SELENOF: variants seen among roughly 807,000 people sequenced by gnomAD.
SELENOF encodes 15 kDa selenoprotein.
A neutral mutation model predicts 20.5 loss-of-function variants in SELENOF; 16 were observed. The ratio of observed to expected loss-of-function variants is 0.78; its 90% CI spans 0.53 to 1.19. The LOEUF (loss-of-function observed/expected upper bound fraction) is 1.19, where lower values mean the gene tolerates loss of function less well. SELENOF is among the 50% of genes most tolerant of loss of function. SELENOF has a pLI of 0.00. For missense variants in SELENOF, 215 were observed against 194.2 expected, an observed-to-expected ratio of 1.11 and a Z score of -0.64; for synonymous variants, 78 against 74.5, an observed-to-expected ratio of 1.05 and a Z score of -0.24.
intron 2 of SELENOF, among the ~76,000 whole-genome samples, chr1:86,885,625 C>A (rs1462246382): frequency 1.3e-5 from 2 of 152,144 alleles, no homozygotes; most frequent in African/African-American, 4.8e-5. Flanking sequence ...GTAACAATAA[C>A]CACGGCTCTA....
At chr1:86,873,323 C>T (rs1658833226) in intron 3 of SELENOF, among the ~76,000 whole-genome samples, 2 of 150,188 alleles carry the variant, frequency 1.3e-5, no homozygotes, top group African/African-American at 5.0e-5. Context: ...ATTGTTTACT[C>T]ACTCTTGATT....
intron 2 of SELENOF, among the ~76,000 whole-genome samples, chr1:86,882,378 A>G (rs1659099825): frequency 2.0e-5 from 3 of 151,976 alleles, no homozygotes; most frequent in South Asian, 4.1e-4. Context: ...CTTGAAAAAT[A>G]TAAGGCCATA....
chr1:86,882,519 G>T (rs1044300877), intron 2 of SELENOF, among the ~76,000 whole-genome samples: 1 of 150,566 alleles, frequency 6.6e-6, no homozygotes, highest in Non-Finnish European at 1.5e-5. Flanking sequence ...AAGAGATGAG[G>T]ATGTGGAGAA....
intron 2 of SELENOF, among the ~76,000 whole-genome samples, chr1:86,892,166 G>A (rs1054157905): frequency 5.1e-5 from 7 of 137,920 alleles, no homozygotes; most frequent in African/African-American, 9.3e-5. Context: ...TCTCCTGACC[G>A]CATGATCCAC....
chr1:86,863,730 A>G (rs1258308515), intron 4 of SELENOF, 125 bp from the exon 5 acceptor site: 4 of 759,662 alleles, frequency 5.3e-6, no homozygotes, highest in Non-Finnish European at 8.0e-6. Context: ...AGACATGACA[A>G]TAAACAAGTC....
chr1:86,869,639 C>T (rs1658702990), intron 3 of SELENOF, among the ~76,000 whole-genome samples: 1 of 152,014 alleles, frequency 6.6e-6, no homozygotes, highest in South Asian at 2.1e-4. Flanking sequence ...CTATACTTTA[C>T]CAATTTTCAA....
intron 3 of SELENOF, among the ~76,000 whole-genome samples, chr1:86,871,202 A>G (rs760381167): frequency 2.0e-5 from 3 of 152,216 alleles, no homozygotes; most frequent in Non-Finnish European, 4.4e-5. Flanking sequence ...TGAGTTCTTT[A>G]ATGTCAATAC....
intron 4 of SELENOF, among the ~76,000 whole-genome samples, chr1:86,866,400 T>A (rs1349361720): frequency 4.8e-5 from 7 of 145,512 alleles, no homozygotes; most frequent in Non-Finnish European, 9.0e-5. Flanking sequence ...TCTGAAGTAG[T>A]CAAAACTATA....
At chr1:86,872,718 C>G (rs1049939001) in intron 3 of SELENOF, among the ~76,000 whole-genome samples, 1 of 151,936 alleles carries the variant, frequency 6.6e-6, no homozygotes, top group Admixed American at 6.6e-5. Context: ...GCCTGGCCAA[C>G]ATGGTGGAAA....
intron 1 of SELENOF, among the ~76,000 whole-genome samples, chr1:86,908,723 T>C (rs1439835939): frequency 6.6e-6 from 1 of 152,214 alleles, no homozygotes; most frequent in Non-Finnish European, 1.5e-5. Flanking sequence ...ACAATTATCA[T>C]TCTATACTGC....
intron 2 of SELENOF, 94 bp downstream of exon 2, chr1:86,903,187 A>G: frequency 9.1e-7 from 1 of 1,100,736 alleles, no homozygotes; most frequent in Non-Finnish European, 1.3e-6. Context: ...AAAAGCTTAG[A>G]GGCTTTTTTA....
chr1:86,900,498 A>G lies in SELENOF; in HGVS notation c.252+2783T>C, dbSNP rs1256060824. The stretch of plus-strand genomic sequence containing the variant: ...AGGCACTCGGCAGGCTGAGGCAGGA[A>G]AATCAGGCAGGGAGGTTGCAGTGAG... On this transcript the variant is annotated intron_variant, in intron 2 of 4. Coordinates refer to ENST00000331835, the MANE Select transcript of SELENOF (RefSeq NM_004261.5). 7.3e-5 allele frequency among the ~76,000 whole-genome samples: 11 copies of G among 151,542 alleles called. No homozygotes were observed. The East Asian group carries it at 9.7e-4, about 13-fold the overall frequency.
chr1:86,887,045 G>A, intron 2 of SELENOF: 2 of 1,202,138 alleles, frequency 1.7e-6, no homozygotes, highest in African/African-American at 1.6e-5. Flanking sequence ...CGAATTCTCA[G>A]GGAAAATATT....
At chr1:86,909,184 C>A (rs900803528) in intron 1 of SELENOF, among the ~76,000 whole-genome samples, 1 of 152,226 alleles carries the variant, frequency 6.6e-6, no homozygotes. Flanking sequence ...ACTTATGCCA[C>A]CTGATCTTTT....
intron 3 of SELENOF, among the ~76,000 whole-genome samples, chr1:86,878,840 A>G (rs1422402756): frequency 6.6e-6 from 1 of 152,244 alleles, no homozygotes; most frequent in East Asian, 1.9e-4. Context: ...TATCACAATT[A>G]TAACAACTTT....
At chr1:86,864,625 T>C (rs577507255) in intron 4 of SELENOF, among the ~76,000 whole-genome samples, 27 of 152,134 alleles carry the variant, frequency 1.8e-4, no homozygotes, top group African/African-American at 6.3e-4. Flanking sequence ...TACTTAACCA[T>C]TTTTGGTCAG....
At chr1:86,886,623 T>C (rs981936505) in intron 2 of SELENOF, among the ~76,000 whole-genome samples, 1 of 152,162 alleles carries the variant, frequency 6.6e-6, no homozygotes, top group Non-Finnish European at 1.5e-5. Context: ...GTTTTGTTTA[T>C]ATTAAAAGAA....
At position 86,891,237 on chromosome 1, in the gene SELENOF, T is replaced by G. The variant is rs537159903; in HGVS notation, c.253-10512A>C. Among the ~76,000 whole-genome samples the G allele has an allele frequency of 2.6e-3, 392 of 151,862 alleles. 3 individuals carry two copies. Among genetic ancestry groups the G allele is most frequent in the African/African-American group, 9.0e-3 (373 of 41,420 alleles). ...GCTAATTTTGTATTTTTAGTAGAGA[T>G]GGGGTTTCTCCATGTTGGTCAGGCT... On this transcript the variant is annotated intron_variant, in intron 2 of 4. Coordinates refer to ENST00000331835, the MANE Select transcript of SELENOF (RefSeq NM_004261.5).
At chr1:86,896,649 A>T (rs1445602750) in intron 2 of SELENOF, among the ~76,000 whole-genome samples, 1 of 152,188 alleles carries the variant, frequency 6.6e-6, no homozygotes, top group Admixed American at 6.5e-5. Flanking sequence ...TAAATAATTA[A>T]CATTATCTCT....
Sources: allele counts gnomAD v4.1 joint callset (sites outside exome capture counted in the v4.1 genomes callset), GRCh38; gene constraint gnomAD v4.1.1; transcripts MANE v1.5; gene names NCBI Gene and HGNC (gene_info 2026-07-23, HGNC 2026-07-21).